Variants in FAM98B observed in about 807,000 individuals in gnomAD.
FAM98B encodes tRNA splicing ligase complex subunit 3B.
A neutral mutation model predicts 43.9 loss-of-function variants in FAM98B; 32 were observed. The ratio of observed to expected loss-of-function variants is 0.73; its 90% CI spans 0.55 to 0.98. The LOEUF is 0.98. Among genes scored for constraint, FAM98B ranks in the 50% least tolerant of loss-of-function variants. The pLI is 0.00. For synonymous variants in FAM98B, 190 were observed against 174.0 expected (o/e 1.09, Z -0.72); for missense variants, 514 against 522.9 (o/e 0.98, Z 0.17).
chr15:38,473,756 T>C (rs545047330), intron 5 of FAM98B, among the ~76,000 whole-genome samples, 171 bp downstream of exon 5: 1 of 152,338 alleles, frequency 6.6e-6, no homozygotes, highest in Non-Finnish European at 1.5e-5. Flanking sequence ...AGTTAAATTA[T>C]TAATTTTTAA....
At position 38,481,368 on chromosome 15, in the gene FAM98B, C is replaced by T. The variant is rs1446311151; in HGVS notation, c.806C>T (p.Ala269Val). ...TCACCCAAGACAACGATTACAATGG[C>T]ACATCTACTTGCTGCTCGTGAAGAT... ...ALSPKTTITMAHLLAAREDLS... is the reference protein window; with the variant it reads ...ALSPKTTITMVHLLAAREDLS... The change falls in exon 7 of 8, where the codon GCA becomes GTA. Residue 269 changes from alanine (A) to valine (V), a missense_variant. By Grantham distance (64) the Ala-to-Val change is moderately conservative. This residue lies in a region of FAM98B where 469 missense variants were observed against 451.8 expected (regional missense o/e 1.04). Coordinates refer to ENST00000397609, the MANE Select transcript of FAM98B (RefSeq NM_173611.4). 6.2e-7 allele frequency: 1 copy of T among 1,614,146 alleles called. No homozygotes were observed. The highest frequency in any genetic ancestry group is 1.7e-5 in the Admixed American group (1 of 60,026).
chr15:38,455,449 T>A (rs1566895997), intron 1 of FAM98B, among the ~76,000 whole-genome samples: 1 of 152,220 alleles, frequency 6.6e-6, no homozygotes, highest in Non-Finnish European at 1.5e-5. Context: ...ATCAATTGTT[T>A]CTTTAGTTGA....
intron 4 of FAM98B, among the ~76,000 whole-genome samples, chr15:38,473,219 A>C (rs1413785461): frequency 4.6e-5 from 7 of 152,170 alleles, no homozygotes. Flanking sequence ...AAGTTATTTC[A>C]CTAAGACACA....
At chr15:38,462,877 A>G (rs1389431214) in intron 1 of FAM98B, among the ~76,000 whole-genome samples, 2 of 152,144 alleles carry the variant, frequency 1.3e-5, no homozygotes, top group Admixed American at 6.6e-5. Context: ...TTCCAAGTCT[A>G]AGGCAGGAAG....
Position 38,484,771 on chromosome 15 carries a change from C to A in FAM98B, c.*112C>A. 7.0e-7 allele frequency: 1 copy of A among 1,418,956 alleles called. No individual in the cohort carries two copies. The highest frequency in any genetic ancestry group is 9.2e-7 in the Non-Finnish European group (1 of 1,088,398). The allele number at this position is 1,418,956 out of a possible 1,614,324, so 87.9% of individuals were successfully genotyped here. On this transcript the variant is annotated 3_prime_UTR_variant, in exon 8 of 8. Transcript: ENST00000397609. ...TGAAGTAAACACCATGTTAGACTCC[C>A]TGGTGATACCACTCTTGAATTGGTT...
At chr15:38,463,980 T>A in intron 1 of FAM98B, 52 bp from the exon 2 acceptor site, 1 of 1,532,142 alleles carries the variant, frequency 6.5e-7, no homozygotes, top group Non-Finnish European at 8.8e-7. Context: ...GTTGGAGGTT[T>A]TTTTGTTTGA....
intron 6 of FAM98B, among the ~76,000 whole-genome samples, chr15:38,478,143 T>C (rs1020965002): frequency 2.6e-5 from 4 of 152,240 alleles, no homozygotes; most frequent in African/African-American, 7.2e-5. Flanking sequence ...AGTTTTGATA[T>C]ATTCTTTCAA....
In FAM98B at chr15:38,473,666, G is replaced by A. The variant is rs1595801700; in HGVS notation, c.612+81G>A. ...AATTTTATAAATGAACATCTATTTT[G>A]CAATATGTAGCATGCATATATTATT... On this transcript the variant is annotated intron_variant, in intron 5 of 7. Coordinates refer to ENST00000397609, the MANE Select transcript of FAM98B (RefSeq NM_173611.4). 4.0e-6 allele frequency: 4 copies of A among 1,010,624 alleles called. No individual in the cohort carries two copies. The East Asian group carries it at 1.0e-4, about 26-fold the overall frequency. 62.6% of individuals were successfully genotyped at this position (1,010,624 alleles called of 1,614,324 possible).
At chr15:38,481,615 G>T in intron 7 of FAM98B, 156 bp downstream of exon 7, 1 of 1,573,894 alleles carries the variant, frequency 6.4e-7, no homozygotes, top group Non-Finnish European at 8.6e-7. Context: ...TTATTTTTGT[G>T]TATGTGTGTA....
At chr15:38,469,784 T>C (rs1405769224) in intron 3 of FAM98B, among the ~76,000 whole-genome samples, 3 of 152,118 alleles carry the variant, frequency 2.0e-5, no homozygotes, top group Non-Finnish European at 4.4e-5. Flanking sequence ...TTTTTTTTTT[T>C]GTACCCATTC....
rs7169619 is a variant in FAM98B at position 38,457,540 on chromosome 15, A to C, written c.71+3308A>C. Among the ~76,000 whole-genome samples the C allele has an allele frequency of 3.3e-3, 500 of 152,296 alleles. 1 individual carries two copies. Among genetic ancestry groups the C allele is most frequent in the African/African-American group, 0.012 (480 of 41,572 alleles). On this transcript the variant is annotated intron_variant, in intron 1 of 7. Coordinates refer to ENST00000397609, the MANE Select transcript of FAM98B (RefSeq NM_173611.4). ...AATAAGAGGTTGTGGTCAGGGAGCCACATGTTTGGATAAGTGATTTTGGAG... is the reference window on the plus strand; with the variant it reads ...AATAAGAGGTTGTGGTCAGGGAGCCCCATGTTTGGATAAGTGATTTTGGAG...
intron 4 of FAM98B, among the ~76,000 whole-genome samples, chr15:38,473,001 A>G (rs988461738): frequency 7.2e-5 from 11 of 152,310 alleles, no homozygotes; most frequent in South Asian, 4.1e-4. Flanking sequence ...TTGCAAAAGT[A>G]ATGAAAATAT....
intron 6 of FAM98B, among the ~76,000 whole-genome samples, chr15:38,477,081 T>G (rs1890211746): frequency 6.6e-6 from 1 of 151,792 alleles, no homozygotes; most frequent in African/African-American, 2.4e-5. Flanking sequence ...GAGGATTACT[T>G]GAGGCCAGGA....
At chr15:38,483,328 T>A (rs2141063243) in intron 7 of FAM98B, 1 of 152,202 alleles carries the variant, frequency 6.6e-6, no homozygotes, top group African/African-American at 2.4e-5. Flanking sequence ...GAGAAAAAAA[T>A]TAAGCCTTTA....
intron 3 of FAM98B, among the ~76,000 whole-genome samples, chr15:38,468,976 G>A (rs932841052): frequency 5.9e-5 from 9 of 152,184 alleles, no homozygotes; most frequent in African/African-American, 2.2e-4. Context: ...GCACGATCTC[G>A]ATTCAGTGCA....
rs1012462387 is a variant in FAM98B at position 38,470,274 on chromosome 15, A to C, written c.400A>C (p.Lys134Gln). 2.5e-6 allele frequency: 4 copies of C among 1,579,274 alleles called. No homozygotes were observed. In the South Asian group the frequency reaches 3.5e-5, roughly 14 times the overall value. Residue 134 changes from lysine to glutamine, a missense_variant, in exon 4 of 8, where the codon AAA becomes CAA. Around this residue, in one of 2 missense-constraint regions of FAM98B, gnomAD observed 469 missense variants for 451.8 expected, o/e 1.04. Transcript: ENST00000397609. Reference sequence around the variant, plus strand: ...AGCTTCACAGATATTACAGAACAAGAAACATAAAAATTCTCAATTAGATAA... The same window carrying C: ...AGCTTCACAGATATTACAGAACAAGCAACATAAAAATTCTCAATTAGATAA... ...LQASQILQNK[K>Q]HKNSQLDKNS...
Position 38,485,302 on chromosome 15 carries a change from G to A in FAM98B, c.*643G>A, listed in dbSNP as rs1890352943. On this transcript the variant is annotated 3_prime_UTR_variant, in exon 8 of 8. Transcript: ENST00000397609. ...TTCTAATTGGATTTGAAATCAGCAT[G>A]ATTTTGTTTGACAAAGCAAAGTTTA... 1 of 152,200 alleles carries A rather than the reference G, an allele frequency of 6.6e-6. No homozygotes were observed. Among genetic ancestry groups the A allele is most frequent in the Non-Finnish European group, 1.5e-5 (1 of 68,028 alleles). 9.4% of individuals were successfully genotyped at this position (152,200 alleles called of 1,614,324 possible).
At chr15:38,456,564 A>C (rs1276446369) in intron 1 of FAM98B, among the ~76,000 whole-genome samples, 1 of 152,228 alleles carries the variant, frequency 6.6e-6, no homozygotes, top group Non-Finnish European at 1.5e-5. Context: ...CTAGTGGAGA[A>C]ACAGACATGA....
chr15:38,469,773 CT>C (rs926981932), intron 3 of FAM98B, among the ~76,000 whole-genome samples: 179 of 144,402 alleles, frequency 1.2e-3, no homozygotes, highest in Middle Eastern at 7.1e-3. Context: ...TTGTAGTGCC[CT>C]TTTTTTTTTT....
Sources: gnomAD v4.1 joint callset for allele counts (sites outside exome capture counted in the v4.1 genomes callset) on GRCh38, gnomAD v4.1.1 for gene constraint, gnomAD v4.1.1 regional missense constraint, MANE v1.5 for transcripts, NCBI Gene and HGNC (gene_info 2026-07-23, HGNC 2026-07-21) for gene names.